The following NRG3 variants were observed in gnomAD, a reference collection of about 807,000 sequenced individuals.
NRG3 encodes neuregulin 3, also known as pro-neuregulin-3, membrane-bound isoform.
Under a neutral mutation model 66.9 loss-of-function variants are expected in NRG3, and 31 were observed. The observed-to-expected ratio is 0.46, with a 90% CI of 0.35 to 0.63. The LOEUF (loss-of-function observed/expected upper bound fraction) is 0.63, where lower values mean the gene tolerates loss of function less well. Among genes scored for constraint, NRG3 ranks in the 20% least tolerant of loss-of-function variants. The probability of loss-of-function intolerance (pLI) is 0.00; values close to 1 mark genes in which losing one functional copy is unlikely to be tolerated. For missense variants in NRG3, 910 were observed against 878.9 expected (o/e 1.04, Z -0.45); for synonymous variants, 393 against 359.4 (o/e 1.09, Z -1.06).
intron 2 of NRG3, among the ~76,000 whole-genome samples, chr10:82,374,777 A>G (rs1311426398): frequency 1.3e-5 from 2 of 152,180 alleles, no homozygotes; most frequent in East Asian, 3.9e-4. Flanking sequence ...GAGGTCCTTT[A>G]GTAATTCTGC....
intron 1 of NRG3, among the ~76,000 whole-genome samples, chr10:81,955,981 A>G (rs1222327363): frequency 3.9e-5 from 6 of 152,184 alleles, no homozygotes; most frequent in Non-Finnish European, 8.8e-5. Flanking sequence ...ATCTTAATTA[A>G]TGACTTCATT....
At chr10:82,373,308 C>T (rs527973896) in intron 2 of NRG3, among the ~76,000 whole-genome samples, 1 of 152,222 alleles carries the variant, frequency 6.6e-6, no homozygotes, top group Non-Finnish European at 1.5e-5. Flanking sequence ...TAGCTAACGT[C>T]AGAGAAAGGA....
At chr10:82,558,685 T>G (rs986137925) in intron 2 of NRG3, among the ~76,000 whole-genome samples, 3 of 152,190 alleles carry the variant, frequency 2.0e-5, no homozygotes, top group Non-Finnish European at 1.5e-5. Flanking sequence ...CAAATTCGCA[T>G]TTCTCTAAAG....
intron 1 of NRG3, among the ~76,000 whole-genome samples, chr10:82,112,242 T>G (rs958371277): frequency 1.3e-5 from 2 of 152,098 alleles, no homozygotes; most frequent in Non-Finnish European, 2.9e-5. Flanking sequence ...GACCCTGTCT[T>G]AAAAAAGAAA....
At chr10:82,761,956 C>CTTTCTTTCTTTCTTTCTTTCT (rs2059336562) in intron 3 of NRG3, among the ~76,000 whole-genome samples, 1 of 122,452 alleles carries the variant, frequency 8.2e-6, no homozygotes, top group Non-Finnish European at 1.8e-5. Flanking sequence ...TTCTTTCTTT[C>CTTTCTTTCTTTCTTTCTTTCT]TTTCTTTCTT....
chr10:82,468,986 CT>C (rs1840965502), intron 2 of NRG3, among the ~76,000 whole-genome samples: 1 of 152,128 alleles, frequency 6.6e-6, no homozygotes, highest in South Asian at 2.1e-4. Flanking sequence ...TTATTTAACT[CT>C]TATAGCTCAG....
At chr10:82,781,203 T>C (rs1591504102) in intron 3 of NRG3, among the ~76,000 whole-genome samples, 1 of 152,200 alleles carries the variant, frequency 6.6e-6, no homozygotes, top group Non-Finnish European at 1.5e-5. Context: ...TGTTGTGTTA[T>C]CTTTAAGGTT....
chr10:81,925,594 T>C (rs1314858366), intron 1 of NRG3, among the ~76,000 whole-genome samples: 3 of 152,180 alleles, frequency 2.0e-5, no homozygotes, highest in Admixed American at 2.0e-4. Context: ...GGAAATACTT[T>C]CTTTTGTCAA....
At chr10:81,959,692 AGAAGGGC>A (rs926345358) in intron 1 of NRG3, among the ~76,000 whole-genome samples, 1 of 151,964 alleles carries the variant, frequency 6.6e-6, no homozygotes, top group Non-Finnish European at 1.5e-5. Context: ...TTAGAGATAC[AGAAGGGC>A]TTGTGAAAAT....
chr10:82,464,024 T>TA lies in NRG3; in HGVS notation c.953+105158dup, dbSNP rs546875283. Among the ~76,000 whole-genome samples the TA allele has an allele frequency of 2.6e-5, 4 of 152,306 alleles. No homozygotes were observed. The East Asian group carries it at 7.7e-4, about 29-fold the overall frequency. On this transcript the variant is annotated intron_variant, in intron 2 of 8. Transcript: ENST00000372141. ...GTGATTTAGATTTTAGTAGTCAATA[T>TA]AATTGTATGACTTAGCTTTCAGTCT... is the stretch of plus-strand genomic sequence containing the variant.
chr10:82,601,976 T>G (rs767776451), intron 2 of NRG3, among the ~76,000 whole-genome samples: 1 of 150,448 alleles, frequency 6.6e-6, no homozygotes, highest in Non-Finnish European at 1.5e-5. Context: ...CTAACTATTC[T>G]AGGAGCAAAG....
At position 82,156,858 on chromosome 10, in the gene NRG3, A is replaced by G. The variant is rs74608474; in HGVS notation, c.824-201881A>G. On this transcript the variant is annotated intron_variant, in intron 1 of 8. Coordinates refer to ENST00000372141, the MANE Select transcript of NRG3 (RefSeq NM_001010848.4). ...AAATAAGTTTATGTTGAAAGTGTCA[A>G]TCGTCATTAATATCCCATAAGAAGA... Among the ~76,000 whole-genome samples, 1,040 of 151,796 alleles carry G rather than the reference A, an allele frequency of 6.9e-3. 10 individuals carry two copies. The highest frequency in any genetic ancestry group is 0.024 in the African/African-American group (980 of 41,532).
At chr10:82,316,386 A>G (rs1187329312) in intron 1 of NRG3, among the ~76,000 whole-genome samples, 1 of 152,222 alleles carries the variant, frequency 6.6e-6, no homozygotes, top group Non-Finnish European at 1.5e-5. Flanking sequence ...GAGGAGATAT[A>G]CTTTAAAGCC....
At chr10:82,647,760 G>C (rs569747994) in intron 2 of NRG3, among the ~76,000 whole-genome samples, 1 of 152,232 alleles carries the variant, frequency 6.6e-6, no homozygotes, top group Non-Finnish European at 1.5e-5. Context: ...GCCAGTGATG[G>C]TGAGCATTTT....
intron 1 of NRG3, among the ~76,000 whole-genome samples, chr10:81,890,335 C>T (rs183271374): frequency 6.6e-6 from 1 of 152,166 alleles, no homozygotes; most frequent in African/African-American, 2.4e-5. Context: ...ATTTGAAACC[C>T]TAAATTAATT....
At chr10:82,201,196 C>CAAA (rs35232518) in intron 1 of NRG3, among the ~76,000 whole-genome samples, 18 of 78,032 alleles carry the variant, frequency 2.3e-4, no homozygotes, top group African/African-American at 5.8e-4. Context: ...GACTCTGTCT[C>CAAA]AAAAAAAAAA....
At chr10:82,192,745 A>T (rs1025770358) in intron 1 of NRG3, among the ~76,000 whole-genome samples, 3 of 152,182 alleles carry the variant, frequency 2.0e-5, no homozygotes, top group Non-Finnish European at 1.5e-5. Context: ...AGAGGCATGA[A>T]GCTTAAAATC....
chr10:82,843,966 G>T (rs1379426216), intron 3 of NRG3, among the ~76,000 whole-genome samples: 2 of 151,986 alleles, frequency 1.3e-5, no homozygotes, highest in Non-Finnish European at 2.9e-5. Flanking sequence ...AGAGTTTGTT[G>T]CAAACATAAT....
At chr10:82,164,469 C>T (rs1003292265) in intron 1 of NRG3, among the ~76,000 whole-genome samples, 2 of 152,152 alleles carry the variant, frequency 1.3e-5, no homozygotes, top group Non-Finnish European at 2.9e-5. Flanking sequence ...TCTAACTCTA[C>T]ATTTGTACTC....
Sources: gnomAD v4.1 joint callset for allele counts (sites outside exome capture counted in the v4.1 genomes callset) on GRCh38, gnomAD v4.1.1 for gene constraint, MANE v1.5 for transcripts, NCBI Gene and HGNC (gene_info 2026-07-23, HGNC 2026-07-21) for gene names.